GRIK5: variants seen among roughly 807,000 people sequenced by gnomAD.
GRIK5 encodes the protein glutamate ionotropic receptor kainate type subunit 5.
In GRIK5, 43 loss-of-function variants were observed where a neutral mutation model predicts 97.4. The observed-to-expected ratio is 0.44, with a 90% CI of 0.35 to 0.57. The LOEUF (loss-of-function observed/expected upper bound fraction) is 0.57, where lower values mean the gene tolerates loss of function less well. Among genes scored for constraint, GRIK5 ranks in the 20% least tolerant of loss-of-function variants. GRIK5 has a pLI of 0.01. For missense variants in GRIK5, 1,015 were observed against 1,382.0 expected, an observed-to-expected ratio of 0.73 and a Z score of 4.21; for synonymous variants, 580 against 583.5, an observed-to-expected ratio of 0.99 and a Z score of 0.09.
intron 17 of GRIK5, 124 bp downstream of exon 17, chr19:42,005,599 G>A: frequency 1.5e-6 from 1 of 676,074 alleles, no homozygotes; most frequent in Non-Finnish European, 2.7e-6. Context: ...AGACCATACA[G>A]CCAGGAGGCC....
At chr19:42,056,502 G>A (rs897809639) in intron 8 of GRIK5, among the ~76,000 whole-genome samples, 160 bp downstream of exon 8, 2 of 152,168 alleles carry the variant, frequency 1.3e-5, no homozygotes, top group East Asian at 3.8e-4. Context: ...GGGAGGTAGA[G>A]AGAGAGGAGG....
chr19:42,028,859 T>C (rs1819914713), intron 12 of GRIK5, among the ~76,000 whole-genome samples: 1 of 152,256 alleles, frequency 6.6e-6, no homozygotes, highest in Admixed American at 6.5e-5. Context: ...TGTCCATGAC[T>C]ACTTTCCATA....
chr19:42,064,630 G>C (rs1194710013), intron 3 of GRIK5, among the ~76,000 whole-genome samples: 1 of 152,028 alleles, frequency 6.6e-6, no homozygotes, highest in Non-Finnish European at 1.5e-5. Flanking sequence ...AAACATACAC[G>C]AACACCATAA....
At chr19:42,016,597 A>G (rs2075627311) in intron 15 of GRIK5, among the ~76,000 whole-genome samples, 1 of 152,176 alleles carries the variant, frequency 6.6e-6, no homozygotes, top group African/African-American at 2.4e-5. Context: ...GAGTAAAGAC[A>G]TGAGCTCTGT....
Position 42,003,915 on chromosome 19 carries a change from G to C in GRIK5, c.2264-232C>G, listed in dbSNP as rs967309410. On this transcript the variant is annotated intron_variant, in intron 17 of 19. Coordinates refer to ENST00000593562, the MANE Select transcript of GRIK5 (RefSeq NM_002088.5). This position sits in a 1 kb window ranked among gnomAD's most constrained non-coding sequence, Gnocchi z 4.2. ...TTTCCTGTGCTCAGGACTCTCCATG[G>C]CTTCCTGTTGCAAGCTCCTCCCCTC... 2.0e-5 allele frequency among the ~76,000 whole-genome samples: 3 copies of C among 152,094 alleles called. No individual in the cohort carries two copies. Among genetic ancestry groups the C allele is most frequent in the Non-Finnish European group, 4.4e-5 (3 of 68,024 alleles).
At chr19:42,054,228 G>T in intron 9 of GRIK5, 92 bp downstream of exon 9, 1 of 1,363,716 alleles carries the variant, frequency 7.3e-7, no homozygotes, top group South Asian at 1.3e-5. Flanking sequence ...GGAAGAGCAG[G>T]GAGGGCAGAG....
At position 42,065,469 on chromosome 19, in the gene GRIK5, G is replaced by A; in HGVS notation, c.80-82C>T. The A allele has an allele frequency of 7.2e-7, 1 of 1,389,784 alleles. No homozygotes were observed. The highest frequency in any genetic ancestry group is 9.8e-7 in the Non-Finnish European group (1 of 1,024,774). 86.1% of individuals were successfully genotyped at this position (1,389,784 alleles called of 1,614,324 possible). ...TGTGGTCTTAGACTCCAGGGCTCTA[G>A]GGTGAGGTGGGTATACGGACCAGGG... On this transcript the variant is annotated intron_variant, in intron 2 of 19. Transcript: ENST00000593562. The surrounding 1 kb of genome is among the most constrained non-coding windows in gnomAD (Gnocchi z 5.8).
At chr19:42,026,557 T>TTTA (rs1156412271) in intron 12 of GRIK5, among the ~76,000 whole-genome samples, 11 of 149,790 alleles carry the variant, frequency 7.3e-5, no homozygotes, top group South Asian at 2.1e-4. Context: ...CCCGGCCCTA[T>TTTA]TTATTATTAT....
In GRIK5 at chr19:42,053,823, A is replaced by C; in HGVS notation, c.1161+2T>G. The C allele has an allele frequency of 6.2e-7, 1 of 1,606,770 alleles. No homozygotes were observed. The highest frequency in any genetic ancestry group is 8.5e-7 in the Non-Finnish European group (1 of 1,173,958). ...CTCTGGCGTCACCCTGGGTCTGCTC[A>C]CCTCACGGTGGCCCTGCCGGGACTT... On this transcript the variant is annotated splice_donor_variant, in intron 10 of 19. Coordinates refer to ENST00000593562, the MANE Select transcript of GRIK5 (RefSeq NM_002088.5). LOFTEE classifies it high-confidence loss of function.
intron 12 of GRIK5, among the ~76,000 whole-genome samples, chr19:42,025,956 A>C (rs1190698388): frequency 6.6e-6 from 1 of 152,144 alleles, no homozygotes. Flanking sequence ...CTAAAACTAA[A>C]AATAAATAAA....
intron 19 of GRIK5, chr19:42,001,892 C>G (rs443239): frequency 0.89 from 482,392 of 540,892 alleles, 215,610 homozygotes; most frequent in African/African-American, 0.97. Flanking sequence ...TGGGATCATT[C>G]AAGTAGTGGA....
At chr19:42,031,421 A>G (rs1489076489) in intron 12 of GRIK5, among the ~76,000 whole-genome samples, 1 of 152,226 alleles carries the variant, frequency 6.6e-6, no homozygotes, top group African/African-American at 2.4e-5. Context: ...CAGTGCGCCA[A>G]CGTGGGATTC....
intron 8 of GRIK5, among the ~76,000 whole-genome samples, chr19:42,055,988 A>G (rs953466316): frequency 4.7e-5 from 6 of 128,128 alleles, no homozygotes; most frequent in Non-Finnish European, 8.3e-5. Context: ...TGGCCAATTT[A>G]CTTTTTTTTT....
intron 15 of GRIK5, among the ~76,000 whole-genome samples, chr19:42,014,266 C>T (rs752549321): frequency 2.6e-5 from 4 of 151,762 alleles, no homozygotes; most frequent in East Asian, 1.9e-4. Context: ...TGCTGGCGTG[C>T]GCTTGTAGTC....
Position 42,021,561 on chromosome 19 carries a change from A to G in GRIK5, c.1698-87T>C. On this transcript the variant is annotated intron_variant, in intron 14 of 19. Coordinates refer to ENST00000593562, the MANE Select transcript of GRIK5 (RefSeq NM_002088.5). This position sits in a 1 kb window ranked among gnomAD's most constrained non-coding sequence, Gnocchi z 4.2. ...GAAGCAAAGGAAAGTCACAGTGATCAGAAGAAAGGGGGAGAGATGGAAAAA... is the reference window on the plus strand; with the variant it reads ...GAAGCAAAGGAAAGTCACAGTGATCGGAAGAAAGGGGGAGAGATGGAAAAA... 1.8e-6 allele frequency: 2 copies of G among 1,130,148 alleles called. No homozygotes were observed. The highest frequency in any genetic ancestry group is 5.3e-5 in the East Asian group (2 of 37,928). 70.0% of individuals were successfully genotyped at this position (1,130,148 alleles called of 1,614,324 possible). A position where few individuals can be genotyped will look rare whatever the true frequency, so the allele number is the denominator to read the frequency against.
intron 6 of GRIK5, among the ~76,000 whole-genome samples, chr19:42,059,134 G>A (rs1184620626): frequency 6.6e-6 from 1 of 152,184 alleles, no homozygotes; most frequent in African/African-American, 2.4e-5. Flanking sequence ...CCACCGAGCA[G>A]GGACTATTCA....
chr19:42,001,986 C>CGAGG, intron 19 of GRIK5: 1 of 611,388 alleles, frequency 1.6e-6, no homozygotes, highest in Non-Finnish European at 2.9e-6. Flanking sequence ...AGAAACCCAA[C>CGAGG]GAGGGAGCCT....
Position 42,003,887 on chromosome 19 carries a change from A to T in GRIK5, c.2264-204T>A, listed in dbSNP as rs1447136042. On this transcript the variant is annotated intron_variant, in intron 17 of 19. Transcript: ENST00000593562. The surrounding 1 kb of genome is among the most constrained non-coding windows in gnomAD (Gnocchi z 4.2). ...AGTGTTAGGAAGAGTCAGAGGCCAT[A>T]CCTTTCCTGTGCTCAGGACTCTCCA... 3.5e-5 allele frequency: 19 copies of T among 545,364 alleles called. No homozygotes were observed. Among genetic ancestry groups the T allele is most frequent in the Middle Eastern group, 4.7e-4 (1 of 2,114 alleles). 33.8% of individuals were successfully genotyped at this position (545,364 alleles called of 1,614,324 possible). A position where few individuals can be genotyped will look rare whatever the true frequency, so the allele number is the denominator to read the frequency against.
chr19:42,067,369 C>T (rs2076349541), intron 1 of GRIK5, among the ~76,000 whole-genome samples: 1 of 152,234 alleles, frequency 6.6e-6, no homozygotes, highest in South Asian at 2.1e-4. Flanking sequence ...AAGTCACTGC[C>T]TTCTAGGCCT....
Sources: gnomAD v4.1 joint callset for allele counts (sites outside exome capture counted in the v4.1 genomes callset) on GRCh38, gnomAD v4.1.1 for gene constraint, Gnocchi (gnomAD v3.1) non-coding constraint, MANE v1.5 for transcripts, NCBI Gene and HGNC (gene_info 2026-07-23, HGNC 2026-07-21) for gene names.